The following UBL3 variants were observed in gnomAD, a reference collection of about 807,000 sequenced individuals.
The protein encoded by UBL3 is ubiquitin like 3.
A neutral mutation model predicts 18.4 loss-of-function variants in UBL3; 6 were observed. The observed-to-expected ratio is 0.33, with a 90% CI of 0.18 to 0.64. The LOEUF is 0.64. Among genes scored for constraint, UBL3 ranks in the 30% least tolerant of loss-of-function variants. The pLI is 0.76. For missense variants in UBL3, 109 were observed against 142.9 expected (o/e 0.76, Z 1.21); for synonymous variants, 49 against 46.6 (o/e 1.05, Z -0.21).
At chr13:29,779,525 TGAAAG>T (rs966774234) in intron 1 of UBL3, among the ~76,000 whole-genome samples, 6 of 152,296 alleles carry the variant, frequency 3.9e-5, no homozygotes, top group African/African-American at 1.2e-4. Flanking sequence ...TTAAAAATGA[TGAAAG>T]GAAATAGATT....
intron 1 of UBL3, among the ~76,000 whole-genome samples, chr13:29,839,579 A>C (rs902223751): frequency 6.6e-6 from 1 of 152,178 alleles, no homozygotes; most frequent in Non-Finnish European, 1.5e-5. Context: ...AGTTGAACGC[A>C]GGAGTTCAGA....
chr13:29,841,907 G>A (rs1879110356), intron 1 of UBL3, among the ~76,000 whole-genome samples: 1 of 152,030 alleles, frequency 6.6e-6, no homozygotes, highest in African/African-American at 2.4e-5. Context: ...TTTTCCTATG[G>A]CCACACTGCA....
chr13:29,770,811 A>G (rs1013622745), intron 3 of UBL3, among the ~76,000 whole-genome samples: 2 of 125,488 alleles, frequency 1.6e-5, no homozygotes, highest in African/African-American at 5.7e-5. Flanking sequence ...CCATCTATTT[A>G]TACAAAAGCT....
chr13:29,783,927 T>C (rs1877242064), intron 1 of UBL3, among the ~76,000 whole-genome samples: 1 of 152,198 alleles, frequency 6.6e-6, no homozygotes, highest in Non-Finnish European at 1.5e-5. Context: ...AGCTATTATG[T>C]AGTAAAGTTC....
In UBL3 at chr13:29,820,350, C is replaced by T. The variant is rs1360785605; in HGVS notation, c.27+29162G>A. ...TGCCATCATGCCCAGCTAATTTTTG[C>T]ATTTTTGTAGAGATGGGGTTTCACC... On this transcript the variant is annotated intron_variant, in intron 1 of 4. Coordinates refer to ENST00000380680, the MANE Select transcript of UBL3 (RefSeq NM_007106.4). 3.3e-5 allele frequency among the ~76,000 whole-genome samples: 5 copies of T among 151,824 alleles called. No homozygotes were observed. In the East Asian group the frequency reaches 5.8e-4, roughly 18 times the overall value.
intron 1 of UBL3, among the ~76,000 whole-genome samples, chr13:29,797,616 T>C (rs899091430): frequency 2.0e-5 from 3 of 152,292 alleles, no homozygotes; most frequent in African/African-American, 4.8e-5. Flanking sequence ...GGGAGGCACA[T>C]TACGTAAGTG....
chr13:29,767,480 G>A, intron 4 of UBL3, 138 bp downstream of exon 4: 1 of 1,183,678 alleles, frequency 8.4e-7, no homozygotes, highest in Non-Finnish European at 1.2e-6. Context: ...TTTCAAAAAT[G>A]TCTGGTTATT....
intron 1 of UBL3, among the ~76,000 whole-genome samples, chr13:29,794,302 T>G (rs1336539484): frequency 6.6e-6 from 1 of 152,120 alleles, no homozygotes; most frequent in Non-Finnish European, 1.5e-5. Context: ...CTTTCTCACT[T>G]TTCTTCAATA....
chr13:29,791,558 TC>T (rs970986859), intron 1 of UBL3, among the ~76,000 whole-genome samples: 2 of 152,170 alleles, frequency 1.3e-5, no homozygotes, highest in Non-Finnish European at 2.9e-5. Context: ...ATAAATCCTA[TC>T]CTGGCAAGAA....
chr13:29,780,367 A>AAAAAAAAAATATATAT (rs1359464345), intron 1 of UBL3, among the ~76,000 whole-genome samples: 2 of 103,310 alleles, frequency 1.9e-5, no homozygotes, highest in East Asian at 3.8e-4. Context: ...AAAAAAAAAA[A>AAAAAAAAAATATATAT]ATATATATAT....
intron 1 of UBL3, among the ~76,000 whole-genome samples, chr13:29,833,676 T>C (rs1878843321): frequency 6.6e-6 from 1 of 152,194 alleles, no homozygotes; most frequent in African/African-American, 2.4e-5. Context: ...AACACAGACA[T>C]ACTCAGCACT....
intron 3 of UBL3, among the ~76,000 whole-genome samples, chr13:29,768,456 T>C (rs995001578): frequency 1.3e-5 from 2 of 152,110 alleles, no homozygotes; most frequent in Non-Finnish European, 2.9e-5. Context: ...ATAGTTGTTA[T>C]GTTTTAGTTC....
chr13:29,839,763 T>G (rs572714654), intron 1 of UBL3, among the ~76,000 whole-genome samples: 4 of 152,108 alleles, frequency 2.6e-5, no homozygotes, highest in African/African-American at 9.6e-5. Context: ...CCGTCTCTAC[T>G]AAAAATACAA....
chr13:29,835,124 AAATATATATATATATATATATAT>A (rs1566001039), intron 1 of UBL3, among the ~76,000 whole-genome samples: 602 of 36,720 alleles, frequency 0.016, 43 homozygotes, highest in Admixed American at 0.023. Flanking sequence ...ATATATATAT[AAATATATATATATATATATATAT>A]ATATATATAT....
At chr13:29,814,753 G>C (rs1397012506) in intron 1 of UBL3, among the ~76,000 whole-genome samples, 1 of 152,116 alleles carries the variant, frequency 6.6e-6, no homozygotes, top group East Asian at 1.9e-4. Context: ...GCCATGTGTG[G>C]TTGCAGTCAG....
At chr13:29,767,481 T>C in intron 4 of UBL3, 137 bp downstream of exon 4, 1 of 1,182,034 alleles carries the variant, frequency 8.5e-7, no homozygotes, top group Non-Finnish European at 1.2e-6. Flanking sequence ...TTCAAAAATG[T>C]CTGGTTATTT....
chr13:29,780,206 T>G (rs1877110966), intron 1 of UBL3, among the ~76,000 whole-genome samples: 1 of 150,892 alleles, frequency 6.6e-6, no homozygotes, highest in South Asian at 2.1e-4. Context: ...CACAAAAAAT[T>G]AGCCAGGCAT....
intron 1 of UBL3, among the ~76,000 whole-genome samples, chr13:29,830,693 C>G (rs1031596984): frequency 1.3e-5 from 2 of 152,142 alleles, no homozygotes; most frequent in Non-Finnish European, 2.9e-5. Flanking sequence ...ACTATTAATG[C>G]CTGTCCTGAT....
intron 1 of UBL3, among the ~76,000 whole-genome samples, chr13:29,817,472 T>G (rs1878314841): frequency 6.6e-6 from 1 of 152,040 alleles, no homozygotes; most frequent in African/African-American, 2.4e-5. Context: ...AGGGTTATGA[T>G]GATAAAGCCG....
Sources: allele counts gnomAD v4.1 joint callset (sites outside exome capture counted in the v4.1 genomes callset), GRCh38; gene constraint gnomAD v4.1.1; transcripts MANE v1.5; gene names NCBI Gene and HGNC (gene_info 2026-07-23, HGNC 2026-07-21).